SLC25A13: variants seen among roughly 807,000 people sequenced by gnomAD.
SLC25A13 encodes solute carrier family 25 member 13.
SLC25A13 carries 70 observed loss-of-function variants against 85.5 expected under a neutral mutation model. The ratio of observed to expected loss-of-function variants is 0.82; its 90% CI spans 0.68 to 1.00. SLC25A13 has a LOEUF of 1.00. SLC25A13 is among the 50% of genes least tolerant of loss of function. The pLI is 0.00. For synonymous variants in SLC25A13, 259 were observed against 288.7 expected (o/e 0.90, Z 1.04); for missense variants, 765 against 819.8 (o/e 0.93, Z 0.82).
intron 13 of SLC25A13, among the ~76,000 whole-genome samples, chr7:96,168,850 A>T (rs1793881126): frequency 1.3e-5 from 2 of 152,190 alleles, no homozygotes; most frequent in Non-Finnish European, 2.9e-5. Flanking sequence ...CTACTCAAAA[A>T]TTAGAAAACC....
intron 2 of SLC25A13, among the ~76,000 whole-genome samples, chr7:96,289,795 G>C (rs190228988): frequency 6.6e-6 from 1 of 152,332 alleles, no homozygotes; most frequent in East Asian, 1.9e-4. Flanking sequence ...TGGTGTACCT[G>C]AAAGTGATGG....
chr7:96,209,095 G>T, intron 4 of SLC25A13, 118 bp from the exon 5 acceptor site: 1 of 1,005,796 alleles, frequency 9.9e-7, no homozygotes, highest in Non-Finnish European at 1.5e-6. Context: ...ATTTTAAATA[G>T]ACATACAGAT....
intron 4 of SLC25A13, among the ~76,000 whole-genome samples, chr7:96,211,532 G>T (rs1344007120): frequency 6.6e-6 from 1 of 151,896 alleles, no homozygotes; most frequent in Non-Finnish European, 1.5e-5. Context: ...ATGTGTTTGT[G>T]CATATTTATT....
intron 4 of SLC25A13, among the ~76,000 whole-genome samples, chr7:96,213,747 C>G (rs1260755103): frequency 6.6e-6 from 1 of 152,146 alleles, no homozygotes; most frequent in Non-Finnish European, 1.5e-5. Flanking sequence ...TAGGTCTCTT[C>G]TGGTCTAAAA....
chr7:96,272,322 T>G (rs564996270), intron 3 of SLC25A13, among the ~76,000 whole-genome samples: 7 of 152,342 alleles, frequency 4.6e-5, no homozygotes, highest in African/African-American at 1.7e-4. Context: ...AGACACAAAA[T>G]TTAAAAAACA....
At chr7:96,224,819 T>C (rs746905846) in intron 4 of SLC25A13, among the ~76,000 whole-genome samples, 1 of 152,190 alleles carries the variant, frequency 6.6e-6, no homozygotes, top group Non-Finnish European at 1.5e-5. Context: ...AACTGACACC[T>C]ATCTGGATTA....
At chr7:96,194,442 C>CAAAAAAAAAAAAAAAAAA (rs546248549) in intron 5 of SLC25A13, among the ~76,000 whole-genome samples, 8 of 27,692 alleles carry the variant, frequency 2.9e-4, no homozygotes, top group African/African-American at 5.4e-4. Context: ...AACCTTGTCT[C>CAAAAAAAAAAAAAAAAAA]AAAAAAAAAA....
chr7:96,201,635 T>C (rs919452778), intron 5 of SLC25A13, among the ~76,000 whole-genome samples: 2 of 152,124 alleles, frequency 1.3e-5, no homozygotes, highest in Non-Finnish European at 2.9e-5. Context: ...AAGGACCTTG[T>C]TAATTGTCCA....
intron 14 of SLC25A13, among the ~76,000 whole-genome samples, chr7:96,137,592 T>C (rs1270162799): frequency 6.6e-6 from 1 of 152,210 alleles, no homozygotes; most frequent in Non-Finnish European, 1.5e-5. Context: ...CTGCTAGTCA[T>C]GTCACCTTCA....
chr7:96,311,371 C>CA (rs1050075246), intron 1 of SLC25A13, among the ~76,000 whole-genome samples: 1 of 151,828 alleles, frequency 6.6e-6, no homozygotes, highest in Non-Finnish European at 1.5e-5. Context: ...TAGCCAAAAC[C>CA]AAAAAAGACT....
intron 13 of SLC25A13, among the ~76,000 whole-genome samples, chr7:96,149,619 A>G (rs577825126): frequency 6.6e-6 from 1 of 152,356 alleles, no homozygotes; most frequent in East Asian, 1.9e-4. Context: ...TCTGAAAGAA[A>G]GAACCTACAG....
chr7:96,168,097 T>A (rs1366815673), intron 13 of SLC25A13, among the ~76,000 whole-genome samples: 32 of 7,436 alleles, frequency 4.3e-3, no homozygotes, highest in East Asian at 0.031. Flanking sequence ...AAACTCTGTC[T>A]GAAAAAAAAA....
At chr7:96,304,932 A>T (rs141665973) in intron 1 of SLC25A13, among the ~76,000 whole-genome samples, 1 of 152,348 alleles carries the variant, frequency 6.6e-6, no homozygotes, top group Non-Finnish European at 1.5e-5. Flanking sequence ...GAATTAATAC[A>T]CTAATTCTGC....
chr7:96,134,734 C>A (rs998564184), intron 14 of SLC25A13, among the ~76,000 whole-genome samples: 9 of 144,856 alleles, frequency 6.2e-5, no homozygotes, highest in Non-Finnish European at 1.2e-4. Flanking sequence ...TGCTGGAAAA[C>A]AACTCTACAT....
intron 5 of SLC25A13, among the ~76,000 whole-genome samples, chr7:96,195,705 C>G (rs1795034102): frequency 6.6e-6 from 1 of 152,174 alleles, no homozygotes; most frequent in East Asian, 1.9e-4. Flanking sequence ...TGCCACACAC[C>G]TGGGCTTTTG....
intron 4 of SLC25A13, among the ~76,000 whole-genome samples, chr7:96,213,297 T>C (rs1164686623): frequency 6.6e-6 from 1 of 152,238 alleles, no homozygotes; most frequent in South Asian, 2.1e-4. Context: ...TTAATATTCT[T>C]TTCTCCTTTT....
At chr7:96,178,264 T>G (rs1316362182) in intron 11 of SLC25A13, among the ~76,000 whole-genome samples, 1 of 151,968 alleles carries the variant, frequency 6.6e-6, no homozygotes, top group African/African-American at 2.4e-5. Context: ...GTGGCCAGGG[T>G]GCCAAAGGAC....
chr7:96,312,708 C>T (rs949590544), intron 1 of SLC25A13, among the ~76,000 whole-genome samples: 4 of 152,128 alleles, frequency 2.6e-5, no homozygotes, highest in African/African-American at 9.7e-5. Context: ...CACGGTAGTG[C>T]TATTATCATG....
intron 14 of SLC25A13, among the ~76,000 whole-genome samples, chr7:96,136,718 T>C (rs1253053951): frequency 2.6e-5 from 4 of 152,138 alleles, no homozygotes; most frequent in African/African-American, 4.8e-5. Flanking sequence ...AAACAGACTA[T>C]TTCTAATACA....
Sources: allele counts gnomAD v4.1 joint callset (sites outside exome capture counted in the v4.1 genomes callset), GRCh38; gene constraint gnomAD v4.1.1; transcripts MANE v1.5; gene names NCBI Gene and HGNC (gene_info 2026-07-23, HGNC 2026-07-21).